Variants in CDH4 observed in about 807,000 individuals in gnomAD.
CDH4 encodes the protein cadherin-4.
A neutral mutation model predicts 86.0 loss-of-function variants in CDH4; 33 were observed. That is an observed-to-expected ratio of 0.38 (90% CI 0.29 to 0.51). The LOEUF (loss-of-function observed/expected upper bound fraction) is 0.51, where lower values mean the gene tolerates loss of function less well. Ranked by LOEUF, CDH4 falls within the 20% of genes least tolerant of loss-of-function variation. The probability of loss-of-function intolerance (pLI) is 0.86; values close to 1 mark genes in which losing one functional copy is unlikely to be tolerated. For missense variants in CDH4, 1,114 were observed against 1,307.4 expected, an observed-to-expected ratio of 0.85 and a Z score of 2.28; for synonymous variants, 555 against 549.4, an observed-to-expected ratio of 1.01 and a Z score of -0.14.
At chr20:61,451,673 G>A (rs1437778218) in intron 2 of CDH4, among the ~76,000 whole-genome samples, 2 of 152,140 alleles carry the variant, frequency 1.3e-5, no homozygotes, top group East Asian at 3.9e-4. Context: ...AAGGTGGGAG[G>A]GAGGAGGGCA....
At chr20:61,885,352 T>G (rs759651906) in intron 7 of CDH4, among the ~76,000 whole-genome samples, 11 of 152,218 alleles carry the variant, frequency 7.2e-5, no homozygotes, top group Non-Finnish European at 1.0e-4. Context: ...TTCTTTCTGC[T>G]TCTACGGATT....
chr20:61,455,981 G>A (rs1187587953), intron 2 of CDH4, among the ~76,000 whole-genome samples: 2 of 150,410 alleles, frequency 1.3e-5, no homozygotes, highest in African/African-American at 2.5e-5. Context: ...AAGGATAGAA[G>A]GATGGATGGA....
At chr20:61,666,583 A>G (rs537952213) in intron 2 of CDH4, among the ~76,000 whole-genome samples, 86 of 152,306 alleles carry the variant, frequency 5.6e-4, no homozygotes, top group African/African-American at 1.9e-3. Context: ...GACGGAGCTG[A>G]GGCCTAGGGC....
chr20:61,613,989 G>A (rs2086706126), intron 2 of CDH4, among the ~76,000 whole-genome samples: 2 of 152,170 alleles, frequency 1.3e-5, no homozygotes, highest in South Asian at 4.1e-4. Context: ...CTCTGGTGCA[G>A]ATGTTCGTCC....
intron 2 of CDH4, among the ~76,000 whole-genome samples, chr20:61,565,284 G>GGGA (rs1555809174): frequency 1.6e-4 from 16 of 97,774 alleles, no homozygotes; most frequent in African/African-American, 2.6e-4. Flanking sequence ...CTTGGTGATG[G>GGGA]GGTGATGGTG....
chr20:61,761,503 G>C (rs774185849), intron 3 of CDH4, among the ~76,000 whole-genome samples: 14 of 152,086 alleles, frequency 9.2e-5, no homozygotes, highest in Non-Finnish European at 1.8e-4. Context: ...GTGTGGCTGG[G>C]GTCAGCCACA....
At chr20:61,677,066 A>T (rs1259939189) in intron 2 of CDH4, among the ~76,000 whole-genome samples, 7 of 152,106 alleles carry the variant, frequency 4.6e-5, no homozygotes, top group Non-Finnish European at 8.8e-5. Flanking sequence ...GGGCCTTGTC[A>T]CCTGTCATGA....
At chr20:61,924,006 C>T (rs576231660) in intron 10 of CDH4, among the ~76,000 whole-genome samples, 1 of 152,372 alleles carries the variant, frequency 6.6e-6, no homozygotes, top group South Asian at 2.1e-4. Context: ...AACCTCCTGC[C>T]CTCTCTGCTC....
chr20:61,258,010 G>A (rs1255930801), intron 2 of CDH4, among the ~76,000 whole-genome samples: 2 of 152,148 alleles, frequency 1.3e-5, no homozygotes, highest in African/African-American at 4.8e-5. Context: ...GATTAACATG[G>A]GTACACTATG....
At chr20:61,534,656 TC>T (rs1568881750) in intron 2 of CDH4, among the ~76,000 whole-genome samples, 5,239 of 127,588 alleles carry the variant, frequency 0.041, 392 homozygotes, top group East Asian at 0.19. Flanking sequence ...TTCTTTTCTT[TC>T]TTTCTTTCTT....
intron 2 of CDH4, among the ~76,000 whole-genome samples, chr20:61,507,296 T>G (rs551246710): frequency 6.6e-6 from 1 of 152,324 alleles, no homozygotes; most frequent in South Asian, 2.1e-4. Context: ...TTGATTATAA[T>G]AACCGTCTTC....
At chr20:61,654,260 C>CA (rs201180708) in intron 2 of CDH4, among the ~76,000 whole-genome samples, 6,053 of 152,206 alleles carry the variant, frequency 0.04, 176 homozygotes, top group Non-Finnish European at 0.062. Flanking sequence ...CCGTCTCCAC[C>CA]AAAAAAACAT....
At position 61,676,097 on chromosome 20, in the gene CDH4, G is replaced by A. The variant is rs975474636; in HGVS notation, c.170-67466G>A. On this transcript the variant is annotated intron_variant, in intron 2 of 15. Transcript: ENST00000614565. This position sits in a 1 kb window ranked among gnomAD's most constrained non-coding sequence, Gnocchi z 4.5. ...GGTGGGGGGAGCCTCAGCGAGGACCGAGTGTGGGGTCCAAGGTCTGAGACT... is the reference window on the plus strand; with the variant it reads ...GGTGGGGGGAGCCTCAGCGAGGACCAAGTGTGGGGTCCAAGGTCTGAGACT... 6.6e-6 allele frequency among the ~76,000 whole-genome samples: 1 copy of A among 152,218 alleles called. No individual in the cohort carries two copies. Among genetic ancestry groups the A allele is most frequent in the African/African-American group, 2.4e-5 (1 of 41,454 alleles).
chr20:61,633,335 A>G (rs1265657939), intron 2 of CDH4, among the ~76,000 whole-genome samples: 3 of 151,090 alleles, frequency 2.0e-5, no homozygotes, highest in Non-Finnish European at 4.4e-5. Flanking sequence ...TCATCTATCC[A>G]TCTCTTCATT....
At chr20:61,718,713 C>T (rs1482706144) in intron 2 of CDH4, 1 of 435,426 alleles carries the variant, frequency 2.3e-6, no homozygotes, top group South Asian at 1.7e-5. Context: ...GCTTACTCAA[C>T]TGAAACAGGG....
intron 2 of CDH4, among the ~76,000 whole-genome samples, chr20:61,285,251 GT>G: frequency 6.6e-6 from 1 of 152,316 alleles, no homozygotes; most frequent in Non-Finnish European, 1.5e-5. Context: ...GTGTGACATC[GT>G]CAAGGTTACG....
chr20:61,655,256 TTGTGAG>T (rs538673343), intron 2 of CDH4, among the ~76,000 whole-genome samples: 159 of 152,354 alleles, frequency 1.0e-3, no homozygotes, highest in African/African-American at 3.7e-3. Context: ...AGGGTTGGGA[TTGTGAG>T]TGTAATTTTT....
chr20:61,633,160 A>G (rs1600824293), intron 2 of CDH4, among the ~76,000 whole-genome samples: 2 of 149,074 alleles, frequency 1.3e-5, no homozygotes, highest in African/African-American at 5.0e-5. Context: ...CCACCCATTC[A>G]TCCACCCATC....
chr20:61,852,924 G>A (rs1359388700), intron 6 of CDH4, 26 bp downstream of exon 6: 1 of 1,612,428 alleles, frequency 6.2e-7, no homozygotes, highest in Non-Finnish European at 8.5e-7. Context: ...TTTGCTTGCT[G>A]GAGACCCTGT....
Sources: allele counts gnomAD v4.1 joint callset (sites outside exome capture counted in the v4.1 genomes callset), GRCh38; gene constraint gnomAD v4.1.1; non-coding constraint Gnocchi (gnomAD v3.1); transcripts MANE v1.5; gene names NCBI Gene and HGNC (gene_info 2026-07-23, HGNC 2026-07-21).